The following KAZN variants were observed in gnomAD, a reference collection of about 807,000 sequenced individuals.
KAZN encodes kazrin, periplakin interacting protein.
KAZN carries 40 observed loss-of-function variants against 87.4 expected under a neutral mutation model. That is an observed-to-expected ratio of 0.46 (90% CI 0.36 to 0.60). The LOEUF is 0.60. KAZN is among the 20% of genes least tolerant of loss of function. KAZN has a pLI of 0.00. For synonymous variants in KAZN, 466 were observed against 458.3 expected, an observed-to-expected ratio of 1.02 and a Z score of -0.22; for missense variants, 898 against 1,073.9, an observed-to-expected ratio of 0.84 and a Z score of 2.29.
At chr1:14,974,342 G>A (rs189696651) in intron 2 of KAZN, among the ~76,000 whole-genome samples, 66 of 152,324 alleles carry the variant, frequency 4.3e-4, no homozygotes, top group African/African-American at 1.6e-3. Flanking sequence ...ATCTGCCATG[G>A]AGGGAAGGGA....
chr1:14,050,386 G>A (rs1447503418), intron 1 of KAZN, among the ~76,000 whole-genome samples: 2 of 152,180 alleles, frequency 1.3e-5, no homozygotes, highest in African/African-American at 2.4e-5. Flanking sequence ...GAGACTGGGT[G>A]ATTTATAAGG....
At position 15,063,642 on chromosome 1, in the gene KAZN, C is replaced by T. The variant is rs549443716; in HGVS notation, c.1098+20C>T. ...GTACAGGTAGGTGTGCCCTCCCTGG[C>T]CACTTGAACCCTCCCTCCACCCCAC... On this transcript the variant is annotated intron_variant, in intron 7 of 14. Transcript: ENST00000376030. 4 of 1,597,158 alleles carry T rather than the reference C, an allele frequency of 2.5e-6. No individual in the cohort carries two copies. The African/African-American group carries it at 5.4e-5, about 21-fold the overall frequency.
In KAZN at chr1:15,066,785, T is replaced by G; in HGVS notation, c.1222+1032T>G. On this transcript the variant is annotated intron_variant, in intron 8 of 14. Transcript: ENST00000376030. The surrounding 1 kb of genome is among the most constrained non-coding windows in gnomAD (Gnocchi z 4.3). ...CCCAGGGACCATTGGATTTCAAAGCTTGCTTTTTCTGTTGGTTCTTCTCTC... is the reference window on the plus strand; with the variant it reads ...CCCAGGGACCATTGGATTTCAAAGCGTGCTTTTTCTGTTGGTTCTTCTCTC... The G allele has an allele frequency of 1.0e-6, 1 of 985,464 alleles. No individual in the cohort carries two copies. Among genetic ancestry groups the G allele is most frequent in the Non-Finnish European group, 1.2e-6 (1 of 829,966 alleles). 61.0% of individuals were successfully genotyped at this position (985,464 alleles called of 1,614,324 possible).
intron 2 of KAZN, among the ~76,000 whole-genome samples, chr1:14,288,073 C>T (rs1653393924): frequency 6.6e-6 from 1 of 152,166 alleles, no homozygotes; most frequent in African/African-American, 2.4e-5. Context: ...CTGCTGGATT[C>T]AGTTTGCCAG....
intron 2 of KAZN, among the ~76,000 whole-genome samples, chr1:14,205,699 A>G (rs994730587): frequency 4.6e-5 from 7 of 151,894 alleles, no homozygotes; most frequent in Non-Finnish European, 7.4e-5. Context: ...CCTGACCAAC[A>G]TGGTGAAACC....
chr1:14,381,737 C>T (rs181311644), intron 2 of KAZN, among the ~76,000 whole-genome samples: 18 of 152,174 alleles, frequency 1.2e-4, no homozygotes, highest in East Asian at 1.9e-4. Context: ...TGGGAAAAAA[C>T]GGAAAGCCTT....
At chr1:15,106,106 C>A (rs892884574) in intron 13 of KAZN, among the ~76,000 whole-genome samples, 1 of 152,078 alleles carries the variant, frequency 6.6e-6, no homozygotes, top group African/African-American at 2.4e-5. Flanking sequence ...ATAGCGTGAC[C>A]TTTTCTCTAC....
intron 2 of KAZN, among the ~76,000 whole-genome samples, chr1:14,482,793 C>T (rs765422632): frequency 6.6e-6 from 1 of 152,130 alleles, no homozygotes; most frequent in Non-Finnish European, 1.5e-5. Context: ...TTTACCTATG[C>T]ACTAAGCACA....
At chr1:13,956,250 C>A (rs11589608) in intron 1 of KAZN, among the ~76,000 whole-genome samples, 3 of 151,684 alleles carry the variant, frequency 2.0e-5, no homozygotes, top group Admixed American at 1.3e-4. Context: ...GGAATGTCAA[C>A]CTGCAATAAT....
In KAZN at chr1:14,446,159, A is replaced by G. The variant is rs573351340; in HGVS notation, c.250-152824A>G. Among the ~76,000 whole-genome samples the G allele has an allele frequency of 4.6e-3, 703 of 152,256 alleles. 2 individuals are homozygous for G. The highest frequency in any genetic ancestry group is 6.2e-3 in the Non-Finnish European group (421 of 68,024). On this transcript the variant is annotated intron_variant, in intron 2 of 16. Coordinates refer to the KAZN transcript ENST00000636203. Reference sequence around the variant, plus strand: ...TGCAGTGAGCTATCATCATGCCACTACACTCCAGCCTGGGCCACAGAGCAA... The same window carrying G: ...TGCAGTGAGCTATCATCATGCCACTGCACTCCAGCCTGGGCCACAGAGCAA...
At chr1:14,040,068 TGTGTGTGTGCAC>T (rs1033274402) in intron 1 of KAZN, among the ~76,000 whole-genome samples, 1 of 147,606 alleles carries the variant, frequency 6.8e-6, no homozygotes, top group Non-Finnish European at 1.5e-5. Context: ...TGTGCACGTG[TGTGTGTGTGCAC>T]GTGTGTGTGT....
At chr1:14,528,021 A>ATCTG (rs916815218) in intron 2 of KAZN, among the ~76,000 whole-genome samples, 1 of 151,630 alleles carries the variant, frequency 6.6e-6, no homozygotes, top group African/African-American at 2.4e-5. Flanking sequence ...CTATCTATCT[A>ATCTG]TCTATCTATC....
At chr1:14,444,491 T>C (rs1307605351) in intron 2 of KAZN, among the ~76,000 whole-genome samples, 1 of 152,038 alleles carries the variant, frequency 6.6e-6, no homozygotes, top group Non-Finnish European at 1.5e-5. Context: ...TTTGTATTTT[T>C]AGTAGAGATG....
At chr1:14,391,576 C>T (rs1029308526) in intron 2 of KAZN, 2 of 152,238 alleles carry the variant, frequency 1.3e-5, no homozygotes, top group Non-Finnish European at 2.9e-5. Context: ...CTATTGGCAC[C>T]ACCTTAAAAA....
At chr1:14,501,050 T>C (rs949361458) in intron 2 of KAZN, among the ~76,000 whole-genome samples, 1 of 150,802 alleles carries the variant, frequency 6.6e-6, no homozygotes, top group African/African-American at 2.4e-5. Context: ...CTTCACAGAC[T>C]TTTTCATAAC....
intron 2 of KAZN, among the ~76,000 whole-genome samples, chr1:14,187,152 G>A (rs145261523): frequency 1.2e-3 from 176 of 152,148 alleles, no homozygotes; most frequent in African/African-American, 4.1e-3. Flanking sequence ...CATCCAGCCC[G>A]TCGCAAAGAA....
At chr1:14,844,858 G>A (rs377154755) in intron 1 of KAZN, among the ~76,000 whole-genome samples, 2 of 152,228 alleles carry the variant, frequency 1.3e-5, no homozygotes, top group African/African-American at 2.4e-5. Context: ...TATGTGCTTG[G>A]ATGGGTGAGT....
intron 1 of KAZN, among the ~76,000 whole-genome samples, chr1:14,736,403 A>G (rs1258758059): frequency 2.8e-5 from 4 of 143,904 alleles, no homozygotes; most frequent in Non-Finnish European, 6.0e-5. Flanking sequence ...GGTTCAAGCT[A>G]TTCTCCTGCC....
At chr1:14,066,300 G>A (rs984220532) in intron 1 of KAZN, among the ~76,000 whole-genome samples, 6 of 152,146 alleles carry the variant, frequency 3.9e-5, no homozygotes, top group Non-Finnish European at 7.4e-5. Flanking sequence ...GTGTCTTTTG[G>A]ATATAATGAC....
Sources: gnomAD v4.1 joint callset for allele counts (sites outside exome capture counted in the v4.1 genomes callset) on GRCh38, gnomAD v4.1.1 for gene constraint, Gnocchi (gnomAD v3.1) non-coding constraint, MANE v1.5 for transcripts, NCBI Gene and HGNC (gene_info 2026-07-23, HGNC 2026-07-21) for gene names.